Variants in CNTN5 observed in about 807,000 individuals in gnomAD.
CNTN5 encodes the protein contactin 5, also known as contactin-5.
Under a neutral mutation model 129.1 loss-of-function variants are expected in CNTN5, and 77 were observed. The ratio of observed to expected loss-of-function variants is 0.60; its 90% CI spans 0.50 to 0.72. CNTN5 has a LOEUF of 0.72. CNTN5 is among the 30% of genes least tolerant of loss of function. CNTN5 has a pLI of 0.00. For synonymous variants in CNTN5, 509 were observed against 465.6 expected, an observed-to-expected ratio of 1.09 and a Z score of -1.20; for missense variants, 1,478 against 1,328.8, an observed-to-expected ratio of 1.11 and a Z score of -1.75.
chr11:99,449,721 A>G lies in CNTN5; in HGVS notation c.-70-106424A>G, dbSNP rs1460491817. On this transcript the variant is annotated intron_variant, in intron 2 of 24. Coordinates refer to ENST00000524871, the MANE Select transcript of CNTN5 (RefSeq NM_014361.4). ...AGCTGGTATGTGTGGGTCTCTCTTTATCTCTCAAGGTGGCCCCACCAGGTT... is the reference window on the plus strand; with the variant it reads ...AGCTGGTATGTGTGGGTCTCTCTTTGTCTCTCAAGGTGGCCCCACCAGGTT... Among the ~76,000 whole-genome samples the G allele has an allele frequency of 2.0e-5, 3 of 152,192 alleles. No individual in the cohort carries two copies. In the East Asian group the frequency reaches 5.8e-4, roughly 29 times the overall value.
chr11:99,662,663 T>C (rs1241491583), intron 3 of CNTN5, among the ~76,000 whole-genome samples: 1 of 152,190 alleles, frequency 6.6e-6, no homozygotes, highest in African/African-American at 2.4e-5. Context: ...AGTGTGTGTA[T>C]TTAGCATCAT....
At chr11:99,345,809 T>G (rs1342020746) in intron 2 of CNTN5, among the ~76,000 whole-genome samples, 1 of 152,230 alleles carries the variant, frequency 6.6e-6, no homozygotes, top group African/African-American at 2.4e-5. Flanking sequence ...CCTTTCATTT[T>G]GTATACTTTC....
intron 13 of CNTN5, among the ~76,000 whole-genome samples, chr11:100,152,052 C>A (rs569274982): frequency 3.9e-5 from 6 of 152,250 alleles, no homozygotes; most frequent in African/African-American, 1.4e-4. Context: ...CAATTTTATT[C>A]CTGGAGGAAA....
chr11:99,244,583 C>T (rs1248064618), intron 1 of CNTN5, among the ~76,000 whole-genome samples: 2 of 152,062 alleles, frequency 1.3e-5, no homozygotes, highest in East Asian at 1.9e-4. Flanking sequence ...TTGTTGACTT[C>T]GAGTTATACT....
chr11:99,248,803 A>T (rs912888396), intron 1 of CNTN5, among the ~76,000 whole-genome samples: 64 of 152,070 alleles, frequency 4.2e-4, no homozygotes, highest in African/African-American at 1.3e-3. Flanking sequence ...CTGAGGGCTC[A>T]GTTCTGTTCC....
chr11:100,049,466 A>T, intron 9 of CNTN5, among the ~76,000 whole-genome samples: 1 of 152,162 alleles, frequency 6.6e-6, no homozygotes, highest in East Asian at 1.9e-4. Flanking sequence ...ATGAAAACTG[A>T]TGGGATAGAC....
At chr11:99,932,351 C>A (rs1950212339) in intron 7 of CNTN5, among the ~76,000 whole-genome samples, 1 of 152,048 alleles carries the variant, frequency 6.6e-6, no homozygotes, top group African/African-American at 2.4e-5. Flanking sequence ...CACCACCACG[C>A]CTGGCTAATT....
At chr11:99,651,970 G>A (rs893123031) in intron 3 of CNTN5, among the ~76,000 whole-genome samples, 4 of 151,976 alleles carry the variant, frequency 2.6e-5, no homozygotes, top group Non-Finnish European at 2.9e-5. Context: ...TGCATAACAC[G>A]TTGCCACAAA....
chr11:99,965,674 G>A (rs1017188384), intron 8 of CNTN5, among the ~76,000 whole-genome samples: 1 of 152,116 alleles, frequency 6.6e-6, no homozygotes, highest in Non-Finnish European at 1.5e-5. Flanking sequence ...TGTCTATTAG[G>A]TCTGCTTGGT....
intron 3 of CNTN5, among the ~76,000 whole-genome samples, chr11:99,737,727 G>A (rs1367917637): frequency 6.6e-6 from 1 of 152,058 alleles, no homozygotes; most frequent in East Asian, 1.9e-4. Context: ...CAAGAGTTAT[G>A]AAGATAAATT....
chr11:99,216,597 G>T (rs1208577024), intron 1 of CNTN5, among the ~76,000 whole-genome samples: 2 of 151,968 alleles, frequency 1.3e-5, no homozygotes, highest in African/African-American at 4.8e-5. Flanking sequence ...TCTTTAACTA[G>T]CTCCTATTTA....
At chr11:100,355,876 A>C (rs1952511168) in intron 24 of CNTN5, among the ~76,000 whole-genome samples, 1 of 151,752 alleles carries the variant, frequency 6.6e-6, no homozygotes, top group Admixed American at 6.6e-5. Flanking sequence ...ATTAAATCTC[A>C]TGATTGGATG....
intron 20 of CNTN5, among the ~76,000 whole-genome samples, chr11:100,300,644 G>A (rs1326951425): frequency 6.6e-6 from 1 of 151,542 alleles, no homozygotes; most frequent in Non-Finnish European, 1.5e-5. Flanking sequence ...TAAGGAAGAT[G>A]TAGTTTTTCA....
intron 8 of CNTN5, among the ~76,000 whole-genome samples, chr11:99,969,328 C>T (rs1296472208): frequency 6.6e-6 from 1 of 152,098 alleles, no homozygotes; most frequent in African/African-American, 2.4e-5. Flanking sequence ...TTCTGAAAGA[C>T]ATAAACTTTT....
chr11:100,162,676 T>C (rs934172295), intron 13 of CNTN5, among the ~76,000 whole-genome samples: 26 of 151,814 alleles, frequency 1.7e-4, no homozygotes, highest in African/African-American at 6.0e-4. Flanking sequence ...ATCAGGAACA[T>C]CAAAAATGTG....
intron 3 of CNTN5, among the ~76,000 whole-genome samples, chr11:99,674,287 C>A (rs1953175288): frequency 1.2e-5 from 1 of 82,278 alleles, no homozygotes; most frequent in Non-Finnish European, 2.4e-5. Flanking sequence ...AAGCCCTTGG[C>A]CCACCTTTTG....
At chr11:99,740,572 T>C (rs539319407) in intron 3 of CNTN5, among the ~76,000 whole-genome samples, 1 of 152,276 alleles carries the variant, frequency 6.6e-6, no homozygotes, top group South Asian at 2.1e-4. Flanking sequence ...TTGAATGAAT[T>C]AGAAGGAGGC....
At chr11:99,725,854 T>A (rs1454333805) in intron 3 of CNTN5, among the ~76,000 whole-genome samples, 1 of 152,232 alleles carries the variant, frequency 6.6e-6, no homozygotes, top group Non-Finnish European at 1.5e-5. Flanking sequence ...CAGATTTTGA[T>A]GACCAGGCTT....
intron 7 of CNTN5, among the ~76,000 whole-genome samples, chr11:99,928,477 C>T (rs1289229587): frequency 6.6e-6 from 1 of 152,192 alleles, no homozygotes; most frequent in East Asian, 1.9e-4. Context: ...GAAATCTAGC[C>T]AGAGGTTCCC....
Sources: gnomAD v4.1 joint callset for allele counts (sites outside exome capture counted in the v4.1 genomes callset) on GRCh38, gnomAD v4.1.1 for gene constraint, MANE v1.5 for transcripts, NCBI Gene and HGNC (gene_info 2026-07-23, HGNC 2026-07-21) for gene names.